Variants in PAH observed in about 807,000 individuals in gnomAD.
The protein encoded by PAH is phenylalanine-4-hydroxylase.
In PAH, 64 loss-of-function variants were observed where a neutral mutation model predicts 62.0. That is an observed-to-expected ratio of 1.03 (90% CI 0.84 to 1.27). The LOEUF is 1.27. PAH is among the 50% of genes most tolerant of loss of function. The pLI is 0.00. For missense variants in PAH, 579 were observed against 542.8 expected, an observed-to-expected ratio of 1.07 and a Z score of -0.66; for synonymous variants, 195 against 196.2, an observed-to-expected ratio of 0.99 and a Z score of 0.05.
At chr12:102,954,062 C>T (rs1174994725), upstream of PAH, among the ~76,000 whole-genome samples, 1 of 152,214 alleles carries the variant, frequency 6.6e-6, no homozygotes, top group Non-Finnish European at 1.5e-5. Context: ...TCTTAGCCAA[C>T]TAAAGCCCTA....
chr12:102,896,388 T>C (rs888906771), intron 2 of PAH, among the ~76,000 whole-genome samples: 3 of 152,236 alleles, frequency 2.0e-5, no homozygotes, highest in Admixed American at 2.0e-4. Context: ...TTAAGAATTA[T>C]GGTTTTGATT....
At chr12:102,845,344 A>G (rs1874790035) in intron 9 of PAH, among the ~76,000 whole-genome samples, 1 of 152,182 alleles carries the variant, frequency 6.6e-6, no homozygotes, top group African/African-American at 2.4e-5. Context: ...GGTGTCAACT[A>G]GACTGAGATG....
At chr12:102,860,020 GA>G (rs201290233) in intron 5 of PAH, among the ~76,000 whole-genome samples, 2,416 of 152,248 alleles carry the variant, frequency 0.016, 63 homozygotes, top group African/African-American at 0.055. Flanking sequence ...ATTCAATTAG[GA>G]AAAGAGGAAA....
intron 7 of PAH, 154 bp from the exon 8 acceptor site, chr12:102,851,910 G>T: frequency 1.5e-6 from 1 of 652,686 alleles, no homozygotes; most frequent in Non-Finnish European, 2.7e-6. Flanking sequence ...CAGAGGTTGG[G>T]ATCATAAAAG....
At chr12:102,908,148 T>A (rs953877572) in intron 2 of PAH, among the ~76,000 whole-genome samples, 2 of 152,024 alleles carry the variant, frequency 1.3e-5, no homozygotes, top group Non-Finnish European at 2.9e-5. Context: ...AGATTCTGGA[T>A]AATGCTTCAG....
intron 2 of PAH, among the ~76,000 whole-genome samples, chr12:102,905,122 A>C (rs2136716659): frequency 6.6e-6 from 1 of 152,326 alleles, no homozygotes; most frequent in South Asian, 2.1e-4. Context: ...TCAGAGTCAC[A>C]CCAGGCATAG....
intron 1 of PAH, among the ~76,000 whole-genome samples, chr12:102,937,066 C>G (rs774939771): frequency 5.9e-5 from 9 of 152,174 alleles, no homozygotes; most frequent in Admixed American, 1.3e-4. Flanking sequence ...CTCCTTCTTG[C>G]TGCCACCATG....
chr12:102,860,987 A>T (rs1360538305), intron 5 of PAH, among the ~76,000 whole-genome samples: 1 of 152,236 alleles, frequency 6.6e-6, no homozygotes, highest in Non-Finnish European at 1.5e-5. Flanking sequence ...GACAAATGGG[A>T]TATAATTAAA....
At chr12:102,865,043 T>G (rs1271881746) in intron 5 of PAH, among the ~76,000 whole-genome samples, 2 of 152,210 alleles carry the variant, frequency 1.3e-5, no homozygotes, top group African/African-American at 2.4e-5. Context: ...GACTAAAAAA[T>G]TTTAACGTAC....
intron 1 of PAH, among the ~76,000 whole-genome samples, chr12:102,929,493 C>T (rs984678709): frequency 5.3e-5 from 8 of 152,082 alleles, no homozygotes; most frequent in African/African-American, 7.2e-5. Flanking sequence ...GTTGAAGATG[C>T]GAGTGGAAAG....
At chr12:102,851,259 G>A (rs935207319) in intron 8 of PAH, among the ~76,000 whole-genome samples, 1 of 152,050 alleles carries the variant, frequency 6.6e-6, no homozygotes, top group African/African-American at 2.4e-5. Flanking sequence ...ATCAGCATTG[G>A]ATTCTTGGCA....
rs979006850 is a variant in PAH at position 102,957,797 on chromosome 12, AGC to A, written c.-96+396_-96+397del. The stretch of plus-strand genomic sequence containing the variant: ...TTAACAAAATAATAAAAACAGCCTG[AGC>A]CACGGCTGGAGAGACCGAGACCCGG... On this transcript the variant is annotated intron_variant, in intron 1 of 4. Transcript: ENST00000551337. The surrounding 1 kb of genome is among the most constrained non-coding windows in gnomAD (Gnocchi z 4.1). 6.3e-6 allele frequency: 1 copy of A among 158,680 alleles called. No homozygotes were observed. Among genetic ancestry groups the A allele is most frequent in the African/African-American group, 2.4e-5 (1 of 41,790 alleles). The allele number at this position is 158,680 out of a possible 1,614,324, so 9.8% of individuals were successfully genotyped here. A position where few individuals can be genotyped will look rare whatever the true frequency, so the allele number is the denominator to read the frequency against.
chr12:102,855,380 G>T, intron 5 of PAH, 48 bp from the exon 6 acceptor site: 1 of 1,526,952 alleles, frequency 6.5e-7, no homozygotes, highest in Non-Finnish European at 9.1e-7. Flanking sequence ...CAGGGGCACA[G>T]CAGAACGCAG....
chr12:102,889,783 T>C (rs1877202009), intron 3 of PAH, among the ~76,000 whole-genome samples: 1 of 152,234 alleles, frequency 6.6e-6, no homozygotes, highest in South Asian at 2.1e-4. Context: ...GTCTGTCTGC[T>C]TCTCCTGGCT....
chr12:102,886,593 G>A (rs1045791885), intron 3 of PAH, among the ~76,000 whole-genome samples: 1 of 151,968 alleles, frequency 6.6e-6, no homozygotes, highest in Non-Finnish European at 1.5e-5. Context: ...AGCAACATTG[G>A]GTCAAACAGA....
intron 4 of PAH, among the ~76,000 whole-genome samples, chr12:102,871,949 A>AATAT (rs1232144620): frequency 5.9e-4 from 18 of 30,328 alleles, no homozygotes; most frequent in African/African-American, 2.5e-3. Context: ...AAAAAAAAAA[A>AATAT]ATATATATAT....
rs1232144620 is a variant in PAH, at chr12:102,871,949, AATATATATATATAT to A, written c.442-5300_442-5287del. Reference sequence around the variant, plus strand: ...AAAAAAAAAAAAAAAAAAAAAAAAAAATATATATATATATATATATATATATATATATATATTTG... The same window carrying A: ...AAAAAAAAAAAAAAAAAAAAAAAAAAATATATATATATATATATATATTTG... On this transcript the variant is annotated intron_variant, in intron 4 of 12. Transcript: ENST00000553106. Among the ~76,000 whole-genome samples, 209 of 30,284 alleles carry A rather than the reference AATATATATATATAT, an allele frequency of 6.9e-3. 1 individual carries two copies. Among genetic ancestry groups the A allele is most frequent in the Middle Eastern group, 0.02 (1 of 50 alleles). The allele number at this position is 30,284 out of a possible 152,430, so 19.9% of individuals were successfully genotyped here. A position where few individuals can be genotyped will look rare whatever the true frequency, so the allele number is the denominator to read the frequency against.
At chr12:102,895,865 A>ATATATAT (rs1555208116) in intron 2 of PAH, among the ~76,000 whole-genome samples, 14 of 129,506 alleles carry the variant, frequency 1.1e-4, no homozygotes, top group African/African-American at 1.1e-4. Context: ...AAAAAAAAAA[A>ATATATAT]AAAAATATAT....
intron 4 of PAH, 83 bp from the exon 5 acceptor site, chr12:102,866,746 T>C: frequency 9.0e-7 from 1 of 1,114,640 alleles, no homozygotes; most frequent in Non-Finnish European, 1.4e-6. Context: ...ATGGGGGCTC[T>C]CAAGCCATGA....
Sources: allele counts gnomAD v4.1 joint callset (sites outside exome capture counted in the v4.1 genomes callset), GRCh38; gene constraint gnomAD v4.1.1; non-coding constraint Gnocchi (gnomAD v3.1); transcripts MANE v1.5; gene names NCBI Gene and HGNC (gene_info 2026-07-23, HGNC 2026-07-21).